Variants in ITFG1 observed in about 807,000 individuals in gnomAD.
ITFG1 encodes T-cell immunomodulatory protein.
A neutral mutation model predicts 81.8 loss-of-function variants in ITFG1; 34 were observed. The observed-to-expected ratio is 0.42, with a 90% CI of 0.32 to 0.55. The LOEUF (loss-of-function observed/expected upper bound fraction) is 0.55. Among genes scored for constraint, ITFG1 ranks in the 20% least tolerant of loss-of-function variants. The pLI is 0.17. For missense variants in ITFG1, 672 were observed against 755.4 expected (o/e 0.89, Z 1.29); for synonymous variants, 285 against 270.6 (o/e 1.05, Z -0.52).
In ITFG1 at chr16:47,248,261, A is replaced by C. The variant is rs1481426467; in HGVS notation, c.1331-10253T>G. Among the ~76,000 whole-genome samples the C allele has an allele frequency of 2.0e-5, 3 of 152,196 alleles. No homozygotes were observed. The East Asian group carries it at 5.8e-4, about 29-fold the overall frequency. On this transcript the variant is annotated intron_variant, in intron 12 of 17. Transcript: ENST00000320640. ...CAGTGTGCCTGAAACTTCAGAGACC[A>C]GCAGAAGCAGGCAGAGAATGCTCAG...
chr16:47,261,497 C>T (rs1396713149), intron 10 of ITFG1, among the ~76,000 whole-genome samples: 1 of 152,038 alleles, frequency 6.6e-6, no homozygotes, highest in Non-Finnish European at 1.5e-5. Flanking sequence ...CAATACAATG[C>T]CATGTAAAAA....
At chr16:47,443,979 G>A (rs1476647578) in intron 5 of ITFG1, among the ~76,000 whole-genome samples, 4 of 152,190 alleles carry the variant, frequency 2.6e-5, no homozygotes, top group African/African-American at 9.6e-5. Flanking sequence ...TCAATTTACA[G>A]AAAATATCTG....
intron 14 of ITFG1, among the ~76,000 whole-genome samples, chr16:47,190,953 T>TC (rs1309934571): frequency 1.3e-5 from 2 of 152,134 alleles, no homozygotes; most frequent in Non-Finnish European, 2.9e-5. Flanking sequence ...ATAGCCTGGC[T>TC]TTTTTCACAT....
At chr16:47,423,724 T>C (rs1968981774) in intron 6 of ITFG1, among the ~76,000 whole-genome samples, 1 of 152,126 alleles carries the variant, frequency 6.6e-6, no homozygotes, top group African/African-American at 2.4e-5. Flanking sequence ...GATTCTGGGT[T>C]GAAAATTCTT....
intron 5 of ITFG1, among the ~76,000 whole-genome samples, chr16:47,437,904 G>A (rs899131650): frequency 7.9e-5 from 12 of 152,338 alleles, no homozygotes; most frequent in African/African-American, 2.4e-4. Context: ...CCTGGGAAGC[G>A]CAAGGGGTCA....
intron 10 of ITFG1, among the ~76,000 whole-genome samples, chr16:47,265,284 T>C (rs1567440203): frequency 6.6e-6 from 1 of 152,044 alleles, no homozygotes; most frequent in Admixed American, 6.5e-5. Flanking sequence ...TAAGAAATGT[T>C]AAAGGAAGTC....
chr16:47,459,382 TAGAA>T (rs772656388), intron 1 of ITFG1, among the ~76,000 whole-genome samples: 26 of 152,026 alleles, frequency 1.7e-4, no homozygotes, highest in Non-Finnish European at 3.2e-4. Flanking sequence ...AGCAGAGAAA[TAGAA>T]AGGATGAACA....
chr16:47,169,379 T>G (rs1964932138), intron 14 of ITFG1, among the ~76,000 whole-genome samples: 1 of 152,214 alleles, frequency 6.6e-6, no homozygotes. Context: ...CAGCAATGTT[T>G]TTTAGTTTTC....
At chr16:47,271,686 G>A (rs193050740) in intron 10 of ITFG1, among the ~76,000 whole-genome samples, 1 of 152,188 alleles carries the variant, frequency 6.6e-6, no homozygotes, top group East Asian at 1.9e-4. Flanking sequence ...GTGAAACCCC[G>A]TCTCTACTAA....
At chr16:47,190,857 A>C (rs1169085158) in intron 14 of ITFG1, among the ~76,000 whole-genome samples, 1 of 152,184 alleles carries the variant, frequency 6.6e-6, no homozygotes, top group Non-Finnish European at 1.5e-5. Context: ...TCATGCAGCT[A>C]CACTCAGCTG....
At chr16:47,257,405 T>TA (rs1425818411) in intron 12 of ITFG1, among the ~76,000 whole-genome samples, 1 of 152,112 alleles carries the variant, frequency 6.6e-6, no homozygotes, top group Non-Finnish European at 1.5e-5. Context: ...ATAAAATACT[T>TA]AGGCATGCAC....
intron 10 of ITFG1, among the ~76,000 whole-genome samples, chr16:47,276,092 A>T (rs1386081544): frequency 2.0e-5 from 3 of 152,256 alleles, no homozygotes; most frequent in Admixed American, 2.0e-4. Flanking sequence ...GAAGAGATAC[A>T]ATACTTACAT....
At chr16:47,436,560 T>A (rs761513415) in intron 5 of ITFG1, among the ~76,000 whole-genome samples, 2 of 152,200 alleles carry the variant, frequency 1.3e-5, no homozygotes, top group Non-Finnish European at 2.9e-5. Context: ...AATGAGACAG[T>A]ATCCAGGCAT....
intron 13 of ITFG1, among the ~76,000 whole-genome samples, chr16:47,223,080 C>T (rs1323913524): frequency 6.6e-6 from 1 of 151,006 alleles, no homozygotes; most frequent in Non-Finnish European, 1.5e-5. Context: ...ATACAAAAAT[C>T]AATTCAAGAT....
rs574485731 is a variant in ITFG1, at chr16:47,154,464, A to C, written c.*1255T>G. On this transcript the variant is annotated 3_prime_UTR_variant, in exon 18 of 18. Transcript: ENST00000320640. ...CAAAGTAAAAACACATGCCAATCTC[A>C]GTGAACTATAAAGAAAAAAATAAGA... is the stretch of plus-strand genomic sequence containing the variant. 6.6e-6 allele frequency: 1 copy of C among 152,356 alleles called. No individual in the cohort carries two copies. The highest frequency in any genetic ancestry group is 2.1e-4 in the South Asian group (1 of 4,830). The allele number at this position is 152,356 out of a possible 1,614,324, so 9.4% of individuals were successfully genotyped here.
chr16:47,339,844 G>GA (rs1300997157), intron 8 of ITFG1, among the ~76,000 whole-genome samples: 2 of 151,986 alleles, frequency 1.3e-5, no homozygotes, highest in Non-Finnish European at 2.9e-5. Context: ...GAAAAAACAT[G>GA]AATCTACAAA....
chr16:47,234,364 T>C (rs1965849094), intron 13 of ITFG1, among the ~76,000 whole-genome samples: 1 of 152,204 alleles, frequency 6.6e-6, no homozygotes, highest in African/African-American at 2.4e-5. Context: ...AATGCCTTGA[T>C]GGACTCATTG....
chr16:47,451,334 C>T, intron 5 of ITFG1, 62 bp downstream of exon 5: 1 of 890,480 alleles, frequency 1.1e-6, no homozygotes, highest in African/African-American at 1.7e-5. Context: ...ATTTTTTCTC[C>T]AATGGTTAAA....
At position 47,409,397 on chromosome 16, in the gene ITFG1, TATATA is replaced by T. The variant is rs1204519198; in HGVS notation, c.655+19402_655+19406del. Among the ~76,000 whole-genome samples the T allele has an allele frequency of 2.8e-3, 52 of 18,678 alleles. 2 individuals are homozygous for T. The highest frequency in any genetic ancestry group is 2.2e-3 in the East Asian group (1 of 460). The allele number at this position is 18,678 out of a possible 152,430, so 12.3% of individuals were successfully genotyped here. A position where few individuals can be genotyped will look rare whatever the true frequency, so the allele number is the denominator to read the frequency against. Reference sequence around the variant, plus strand: ...CACTATATATATATATATATATATATATATATATTTTTTTTTTTTTTTTTTTTTTT... The same window carrying T: ...CACTATATATATATATATATATATATTATTTTTTTTTTTTTTTTTTTTTTT... On this transcript the variant is annotated intron_variant, in intron 6 of 17. Coordinates refer to ENST00000320640, the MANE Select transcript of ITFG1 (RefSeq NM_030790.5).
Sources: gnomAD v4.1 joint callset for allele counts (sites outside exome capture counted in the v4.1 genomes callset) on GRCh38, gnomAD v4.1.1 for gene constraint, MANE v1.5 for transcripts, NCBI Gene and HGNC (gene_info 2026-07-23, HGNC 2026-07-21) for gene names.